NPLOC4: variants seen among roughly 807,000 people sequenced by gnomAD.
NPLOC4 encodes NPL4 homolog, ubiquitin recognition factor.
In NPLOC4, 18 loss-of-function variants were observed where a neutral mutation model predicts 80.6. The ratio of observed to expected loss-of-function variants is 0.22; its 90% CI spans 0.15 to 0.33. The LOEUF is 0.33. Among genes scored for constraint, NPLOC4 ranks in the 10% least tolerant of loss-of-function variants. The pLI is 1.00. For missense variants in NPLOC4, 540 were observed against 786.1 expected, an observed-to-expected ratio of 0.69 and a Z score of 3.74; for synonymous variants, 313 against 301.5, an observed-to-expected ratio of 1.04 and a Z score of -0.39.
At chr17:81,576,346 T>TA (rs2034300631) in intron 12 of NPLOC4, among the ~76,000 whole-genome samples, 1 of 152,228 alleles carries the variant, frequency 6.6e-6, no homozygotes, top group Non-Finnish European at 1.5e-5. Flanking sequence ...GGTCCACCTA[T>TA]AGGCAGACTT....
intron 9 of NPLOC4, among the ~76,000 whole-genome samples, chr17:81,598,447 A>G (rs2034978494): frequency 6.6e-6 from 1 of 152,240 alleles, no homozygotes; most frequent in Non-Finnish European, 1.5e-5. Flanking sequence ...AAGCAAATAA[A>G]CATTTCAGAG....
intron 10 of NPLOC4, among the ~76,000 whole-genome samples, chr17:81,596,619 G>T (rs1360595433): frequency 6.6e-6 from 1 of 152,044 alleles, no homozygotes; most frequent in African/African-American, 2.4e-5. Context: ...AAACCACTTT[G>T]AAACAAGTAT....
chr17:81,618,117 C>G (rs1345033664), intron 3 of NPLOC4, among the ~76,000 whole-genome samples: 1 of 151,304 alleles, frequency 6.6e-6, no homozygotes, highest in Non-Finnish European at 1.5e-5. Context: ...CCTGGCCGCC[C>G]ATCGTCTGGG....
intron 11 of NPLOC4, among the ~76,000 whole-genome samples, chr17:81,590,962 G>A (rs1200935309): frequency 1.3e-5 from 2 of 152,180 alleles, no homozygotes; most frequent in Non-Finnish European, 2.9e-5. Flanking sequence ...TGCTCAGGAG[G>A]CAGCCAACCC....
At chr17:81,568,229 C>T (rs1480883604) in intron 14 of NPLOC4, among the ~76,000 whole-genome samples, 1 of 152,212 alleles carries the variant, frequency 6.6e-6, no homozygotes, top group Non-Finnish European at 1.5e-5. Context: ...TCCTGTCGAG[C>T]TGTATTCTCC....
chr17:81,571,255 A>G (rs9904587), intron 13 of NPLOC4, among the ~76,000 whole-genome samples: 22,103 of 152,164 alleles, frequency 0.15, 1,906 homozygotes, highest in Admixed American at 0.23. Flanking sequence ...TGGCAGCAGC[A>G]TAGGAAATGA....
chr17:81,615,601 G>A (rs1469968972), intron 3 of NPLOC4, among the ~76,000 whole-genome samples: 1 of 152,234 alleles, frequency 6.6e-6, no homozygotes, highest in Non-Finnish European at 1.5e-5. Context: ...AGAACTCAGA[G>A]CTGCTTGTGG....
In NPLOC4 at chr17:81,572,449, C is replaced by A. The variant is rs578153837; in HGVS notation, c.1282-361G>T. 3.3e-5 allele frequency among the ~76,000 whole-genome samples: 5 copies of A among 152,304 alleles called. No individual in the cohort carries two copies. Among genetic ancestry groups the A allele is most frequent in the African/African-American group, 7.2e-5 (3 of 41,558 alleles). ...CTCGTGATCCACCCGCCTCAGCCCC[C>A]CAAAGTGCTGGGATTACAGGCGTGA... On this transcript the variant is annotated intron_variant, in intron 12 of 16. Coordinates refer to ENST00000331134, the MANE Select transcript of NPLOC4 (RefSeq NM_017921.4). This position sits in a 1 kb window ranked among gnomAD's most constrained non-coding sequence, Gnocchi z 4.5.
At chr17:81,561,229 T>C (rs965646745) in intron 16 of NPLOC4, among the ~76,000 whole-genome samples, 2 of 152,184 alleles carry the variant, frequency 1.3e-5, no homozygotes, top group Non-Finnish European at 2.9e-5. Flanking sequence ...AGTGCTGGGA[T>C]TACAGGCGTG....
chr17:81,566,005 C>A (rs2034001142), intron 15 of NPLOC4, among the ~76,000 whole-genome samples: 1 of 152,170 alleles, frequency 6.6e-6, no homozygotes, highest in Non-Finnish European at 1.5e-5. Flanking sequence ...AAAATGCACT[C>A]TCTATCCTAG....
chr17:81,634,447 G>GAAAAA (rs35549457), intron 1 of NPLOC4, among the ~76,000 whole-genome samples: 1 of 150,220 alleles, frequency 6.7e-6, no homozygotes, highest in Non-Finnish European at 1.5e-5. Context: ...ACACTAGTGG[G>GAAAAA]AAAAAAAAAA....
At chr17:81,596,027 C>T (rs1297434417) in intron 11 of NPLOC4, 89 bp downstream of exon 11, 1 of 1,338,658 alleles carries the variant, frequency 7.5e-7, no homozygotes, top group Non-Finnish European at 1.0e-6. Context: ...TCCAGTATAA[C>T]TAAGTTAAGG....
intron 12 of NPLOC4, among the ~76,000 whole-genome samples, chr17:81,586,378 G>T (rs952171469): frequency 2.0e-5 from 3 of 152,142 alleles, no homozygotes; most frequent in Admixed American, 1.3e-4. Flanking sequence ...GGGTAGCCAA[G>T]GTGGGCAAAT....
In NPLOC4 at chr17:81,608,867, T is replaced by C. The variant is rs1301103581; in HGVS notation, c.436-45A>G. On this transcript the variant is annotated intron_variant, in intron 5 of 16. Coordinates refer to ENST00000331134, the MANE Select transcript of NPLOC4 (RefSeq NM_017921.4). ...GCGAGTGCAGTCTCACACGTGCCGG[T>C]CACTCCAGGCGCTGAGCCTCTGCTA... The C allele has an allele frequency of 2.0e-6, 3 of 1,468,806 alleles. No homozygotes were observed. The East Asian group carries it at 7.4e-5, about 36-fold the overall frequency. The allele number at this position is 1,468,806 out of a possible 1,614,324, so 91.0% of individuals were successfully genotyped here.
At chr17:81,571,080 T>A (rs2034149303) in intron 13 of NPLOC4, among the ~76,000 whole-genome samples, 1 of 152,180 alleles carries the variant, frequency 6.6e-6, no homozygotes, top group African/African-American at 2.4e-5. Context: ...AAAAACCAGA[T>A]GCCTTCACGG....
At chr17:81,584,015 G>A (rs1023500228) in intron 12 of NPLOC4, among the ~76,000 whole-genome samples, 2 of 152,208 alleles carry the variant, frequency 1.3e-5, no homozygotes, top group Non-Finnish European at 2.9e-5. Flanking sequence ...GAGTCCAGCT[G>A]TAACTTAATA....
chr17:81,593,974 G>A (rs184148568), intron 11 of NPLOC4, among the ~76,000 whole-genome samples: 2 of 152,176 alleles, frequency 1.3e-5, no homozygotes, highest in Non-Finnish European at 2.9e-5. Flanking sequence ...CAACAACTTA[G>A]GAAAATAAAT....
chr17:81,596,974 A>G (rs950456423), intron 10 of NPLOC4, among the ~76,000 whole-genome samples: 1 of 152,092 alleles, frequency 6.6e-6, no homozygotes, highest in Non-Finnish European at 1.5e-5. Context: ...TTAGCTGGGC[A>G]TGGTGGCAGG....
intron 9 of NPLOC4, among the ~76,000 whole-genome samples, chr17:81,597,812 G>A (rs181846294): frequency 0.014 from 2,039 of 148,632 alleles, 53 homozygotes; most frequent in African/African-American, 0.048. Context: ...TTAGCTGGGC[G>A]TGGCCGGGTG....
Sources: allele counts gnomAD v4.1 joint callset (sites outside exome capture counted in the v4.1 genomes callset), GRCh38; gene constraint gnomAD v4.1.1; non-coding constraint Gnocchi (gnomAD v3.1); transcripts MANE v1.5; gene names NCBI Gene and HGNC (gene_info 2026-07-23, HGNC 2026-07-21).